The following ONECUT1 variants were observed in gnomAD, a reference collection of about 807,000 sequenced individuals.
The protein encoded by ONECUT1 is hepatocyte nuclear factor 6.
ONECUT1 carries 12 observed loss-of-function variants against 25.6 expected under a neutral mutation model. That is an observed-to-expected ratio of 0.47 (90% CI 0.30 to 0.76). The LOEUF (loss-of-function observed/expected upper bound fraction) is 0.76. ONECUT1 is among the 30% of genes least tolerant of loss of function. The pLI is 0.07. For missense variants in ONECUT1, 620 were observed against 651.2 expected (o/e 0.95, Z 0.52); for synonymous variants, 285 against 270.2 (o/e 1.05, Z -0.54).
chr15:52,780,748 T>C, intron 1 of ONECUT1: 1 of 1,466,310 alleles, frequency 6.8e-7, no homozygotes. Context: ...TTGATCTGTT[T>C]TAGAAGACAA....
At chr15:52,777,745 C>CA (rs2083813279) in intron 1 of ONECUT1, among the ~76,000 whole-genome samples, 2 of 85,534 alleles carry the variant, frequency 2.3e-5, no homozygotes, top group Non-Finnish European at 2.3e-5. Flanking sequence ...CACAAAAAAA[C>CA]ATGTAAAGTT....
At position 52,777,733 on chromosome 15, in the gene ONECUT1, C is replaced by CAAAAAAAAAA. The variant is rs1402130601; in HGVS notation, c.1105+11046_1105+11047insTTTTTTTTTT. 1.3e-4 allele frequency among the ~76,000 whole-genome samples: 11 copies of CAAAAAAAAAA among 85,250 alleles called. 1 individual carries two copies. Among genetic ancestry groups the CAAAAAAAAAA allele is most frequent in the African/African-American group, 6.1e-4 (8 of 13,196 alleles). 55.9% of individuals were successfully genotyped at this position (85,250 alleles called of 152,430 possible). Reference sequence around the variant, plus strand: ...ACACACACACACACACACACACACACACACAAAAAAACATGTAAAGTTATT... The same window carrying CAAAAAAAAAA: ...ACACACACACACACACACACACACACAAAAAAAAAAACACAAAAAAACATGTAAAGTTATT... On this transcript the variant is annotated intron_variant, in intron 1 of 1. Coordinates refer to ENST00000305901, the MANE Select transcript of ONECUT1 (RefSeq NM_004498.4).
rs562944346 is a variant in ONECUT1, at chr15:52,774,802, G to T, written c.1105+13978C>A. The stretch of plus-strand genomic sequence containing the variant: ...AAAAATCTCCACCCTTGTGTTGAGG[G>T]TAGTGCTCCAAAATGATATTGTAGT... On this transcript the variant is annotated intron_variant, in intron 1 of 1. Transcript: ENST00000305901. 1.2e-4 allele frequency among the ~76,000 whole-genome samples: 18 copies of T among 152,286 alleles called. 1 individual carries two copies. The South Asian group carries it at 2.9e-3, about 25-fold the overall frequency.
At chr15:52,771,650 A>AT (rs11289668) in intron 1 of ONECUT1, among the ~76,000 whole-genome samples, 18 of 149,748 alleles carry the variant, frequency 1.2e-4, no homozygotes, top group African/African-American at 3.0e-4. Context: ...TAATCACTAA[A>AT]TTTTTTTTTT....
intron 1 of ONECUT1, among the ~76,000 whole-genome samples, chr15:52,775,414 T>G (rs1313183678): frequency 6.6e-6 from 1 of 151,342 alleles, no homozygotes; most frequent in Non-Finnish European, 1.5e-5. Context: ...AGTTATCTTT[T>G]GGGAGATGGG....
chr15:52,765,353 G>A (rs1372317025), intron 1 of ONECUT1, among the ~76,000 whole-genome samples: 7 of 152,222 alleles, frequency 4.6e-5, no homozygotes, highest in Admixed American at 1.3e-4. Flanking sequence ...AGCAGCGGCA[G>A]CCAGCCATGC....
In ONECUT1 at chr15:52,784,992, G is replaced by A. The variant is rs1283898810; in HGVS notation, c.1105+3788C>T. 6.6e-6 allele frequency among the ~76,000 whole-genome samples: 1 copy of A among 152,230 alleles called. No homozygotes were observed. The highest frequency in any genetic ancestry group is 2.1e-4 in the South Asian group (1 of 4,830). ...AGCTGCGCGACACCAGACCCACAGC[G>A]CCAAGACGCGAAGCGCGAGGAAACC... On this transcript the variant is annotated intron_variant, in intron 1 of 1. Coordinates refer to ENST00000305901, the MANE Select transcript of ONECUT1 (RefSeq NM_004498.4). The surrounding 1 kb of genome is among the most constrained non-coding windows in gnomAD (Gnocchi z 5.0).
At chr15:52,777,727 C>CAAAA (rs1566992332) in intron 1 of ONECUT1, among the ~76,000 whole-genome samples, 2 of 93,820 alleles carry the variant, frequency 2.1e-5, no homozygotes, top group Admixed American at 9.2e-5. Context: ...CACACACACA[C>CAAAA]ACACACACAC....
chr15:52,788,887 T>C lies in ONECUT1; in HGVS notation c.998A>G (p.Asn333Ser), dbSNP rs775136422. 3.1e-6 allele frequency: 5 copies of C among 1,613,956 alleles called. No individual in the cohort carries two copies. Among genetic ancestry groups the C allele is most frequent in the Non-Finnish European group, 4.2e-6 (5 of 1,180,012 alleles). The change falls in exon 1 of 2, where the codon AAC (asparagine) becomes AGC (serine). Residue 333 changes from asparagine to serine, a missense_variant. Physicochemically the swap from Asn to Ser is conservative, Grantham distance 46. Around this residue, in one of 4 missense-constraint regions of ONECUT1, gnomAD observed 146 missense variants for 201.8 expected, o/e 0.72. Transcript: ENST00000305901. This position sits in a 1 kb window ranked among gnomAD's most constrained non-coding sequence, Gnocchi z 4.3. ...TTTGAGTTTGCTCCAGGGTTTGGGG[T>C]TGCGCAGCAGGTCCGAGAGGGTCCC... ...SQGTLSDLLRNPKPWSKLKSG... is the reference protein window; with the variant it reads ...SQGTLSDLLRSPKPWSKLKSG...
chr15:52,760,280 G>C (rs1158423614), intron 1 of ONECUT1, among the ~76,000 whole-genome samples: 1 of 152,098 alleles, frequency 6.6e-6, no homozygotes, highest in East Asian at 1.9e-4. Flanking sequence ...CTTCCTCCCA[G>C]AGGCCTACAG....
intron 1 of ONECUT1, among the ~76,000 whole-genome samples, chr15:52,765,385 C>G (rs1421347043): frequency 1.3e-5 from 2 of 152,192 alleles, no homozygotes; most frequent in African/African-American, 4.8e-5. Flanking sequence ...GCCCTCTGCT[C>G]TCACCCCTAC....
chr15:52,760,107 G>C (rs2083697203), intron 1 of ONECUT1, among the ~76,000 whole-genome samples: 2 of 152,174 alleles, frequency 1.3e-5, no homozygotes, highest in South Asian at 4.1e-4. Flanking sequence ...GGCAAGGCAG[G>C]CCTTATGGCC....
chr15:52,766,778 C>G (rs184715933), intron 1 of ONECUT1, among the ~76,000 whole-genome samples: 2 of 152,170 alleles, frequency 1.3e-5, no homozygotes, highest in African/African-American at 2.4e-5. Context: ...AAAGCCAGGT[C>G]GGGAAAGTCA....
Position 52,789,127 on chromosome 15 carries a change from T to G in ONECUT1, c.758A>C (p.His253Pro), listed in dbSNP as rs2083897853. The change falls in exon 1 of 2, where the codon CAC becomes CCC. Residue 253 changes from histidine (H) to proline (P), a missense_variant. Coordinates refer to ENST00000305901, the MANE Select transcript of ONECUT1 (RefSeq NM_004498.4). The surrounding 1 kb of genome is among the most constrained non-coding windows in gnomAD (Gnocchi z 4.1). ...PINGLPPHHPHAHLNAQGHGQ... is the reference protein window; with the variant it reads ...PINGLPPHHPPAHLNAQGHGQ... ...GTGGCCCTGGGCGTTCAGGTGGGCGTGGGGATGGTGCGGAGGAAGGCCGTT... is the reference window on the plus strand; with the variant it reads ...GTGGCCCTGGGCGTTCAGGTGGGCGGGGGGATGGTGCGGAGGAAGGCCGTT... 6.2e-7 allele frequency: 1 copy of G among 1,600,126 alleles called. No homozygotes were observed. Among genetic ancestry groups the G allele is most frequent in the Non-Finnish European group, 8.5e-7 (1 of 1,179,498 alleles).
chr15:52,777,697 AACACACACAC>A (rs369734028), intron 1 of ONECUT1, among the ~76,000 whole-genome samples: 4 of 122,142 alleles, frequency 3.3e-5, no homozygotes, highest in Non-Finnish European at 6.6e-5. Flanking sequence ...CTTCCTGGAA[AACACACACAC>A]ACACACACAC....
chr15:52,769,563 T>G (rs115048218), intron 1 of ONECUT1, among the ~76,000 whole-genome samples: 1,885 of 152,228 alleles, frequency 0.012, 35 homozygotes, highest in African/African-American at 0.044. Context: ...GACTGGGAAG[T>G]CAGTAAAGGT....
intron 1 of ONECUT1, among the ~76,000 whole-genome samples, chr15:52,766,160 T>G (rs2083732985): frequency 1.3e-5 from 2 of 152,130 alleles, no homozygotes; most frequent in South Asian, 2.1e-4. Context: ...TGCTTTATAG[T>G]GCTTAAAACA....
chr15:52,771,013 C>G (rs2083764203), intron 1 of ONECUT1, among the ~76,000 whole-genome samples: 1 of 152,186 alleles, frequency 6.6e-6, no homozygotes. Flanking sequence ...GAAAGATGAT[C>G]TGCATTTATA....
At chr15:52,785,546 C>A (rs1056874358) in intron 1 of ONECUT1, among the ~76,000 whole-genome samples, 1 of 152,228 alleles carries the variant, frequency 6.6e-6, no homozygotes, top group Admixed American at 6.5e-5. Context: ...CGCGGTGCTG[C>A]GCTTGCTGTT....
Sources: gnomAD v4.1 joint callset for allele counts (sites outside exome capture counted in the v4.1 genomes callset) on GRCh38, gnomAD v4.1.1 for gene constraint, gnomAD v4.1.1 regional missense constraint, Gnocchi (gnomAD v3.1) non-coding constraint, MANE v1.5 for transcripts, NCBI Gene and HGNC (gene_info 2026-07-23, HGNC 2026-07-21) for gene names.